Variants in PCGF3 observed in about 807,000 individuals in gnomAD.
PCGF3 encodes polycomb group ring finger 3, also known as polycomb group RING finger protein 3.
Under a neutral mutation model 33.1 loss-of-function variants are expected in PCGF3, and 7 were observed. The observed-to-expected ratio is 0.21, with a 90% CI of 0.12 to 0.40. The LOEUF is 0.40. Among genes scored for constraint, PCGF3 ranks in the 10% least tolerant of loss-of-function variants. The pLI is 1.00. For missense variants in PCGF3, 211 were observed against 313.3 expected (o/e 0.67, Z 2.46); for synonymous variants, 153 against 121.3 (o/e 1.26, Z -1.72).
chr4:733,750 C>G, exon 4 of PCGF3: 1 of 1,613,292 alleles, frequency 6.2e-7, no homozygotes, highest in Non-Finnish European at 8.5e-7. Context: ...CAGCGGGTAC[C>G]TCATCGACGC....
At chr4:732,178 T>G (rs1159436736) in intron 3 of PCGF3, among the ~76,000 whole-genome samples, 8 of 75,522 alleles carry the variant, frequency 1.1e-4, no homozygotes, top group Non-Finnish European at 1.3e-4. Flanking sequence ...GGTCCTCAGG[T>G]TGGTAAGGCG....
At chr4:761,637 G>C (rs1369005280) in intron 9 of PCGF3, 4 of 982,358 alleles carry the variant, frequency 4.1e-6, no homozygotes, top group Non-Finnish European at 4.8e-6. Context: ...ACTGTGAGTG[G>C]AAGAGAGAAC....
intron 2 of PCGF3, 145 bp downstream of exon 2, chr4:730,813 G>A (rs1328116048): frequency 2.6e-6 from 1 of 389,784 alleles, no homozygotes; most frequent in African/African-American, 2.1e-5. Flanking sequence ...AGCCATGCGT[G>A]GGTCCTTAGC....
chr4:761,945 C>T (rs981778219), intron 9 of PCGF3: 8 of 985,228 alleles, frequency 8.1e-6, no homozygotes, highest in Non-Finnish European at 9.6e-6. Flanking sequence ...CGGCTGTGGG[C>T]AGGAGCATGG....
At chr4:709,470 A>G (rs990198588) in intron 1 of PCGF3, among the ~76,000 whole-genome samples, 1 of 152,166 alleles carries the variant, frequency 6.6e-6, no homozygotes, top group African/African-American at 2.4e-5. Flanking sequence ...GAGCAAATGA[A>G]TGAAAGGCAA....
At chr4:719,817 G>A (rs1296900688) in intron 1 of PCGF3, among the ~76,000 whole-genome samples, 4 of 152,198 alleles carry the variant, frequency 2.6e-5, no homozygotes, top group Admixed American at 6.5e-5. Context: ...GTGTCCTGCC[G>A]CTGCTGCAGT....
chr4:747,879 TTC>T (rs1258003008), intron 8 of PCGF3, among the ~76,000 whole-genome samples: 40 of 82,410 alleles, frequency 4.9e-4, no homozygotes, highest in African/African-American at 1.5e-3. Context: ...TTCTTCCTTT[TTC>T]TTTTTTTTTT....
chr4:735,289 A>G (rs1365953972), intron 5 of PCGF3, among the ~76,000 whole-genome samples: 3 of 152,312 alleles, frequency 2.0e-5, no homozygotes, highest in East Asian at 3.9e-4. Context: ...GCTCATGCCT[A>G]TAATCCCAGC....
Position 733,903 on chromosome 4 carries a change from G to A in PCGF3, c.109+114G>A, listed in dbSNP as rs1743725646. 4 of 1,584,536 alleles carry A rather than the reference G, an allele frequency of 2.5e-6. No homozygotes were observed. The East Asian group carries it at 9.4e-5, about 37-fold the overall frequency. On this transcript the variant is annotated intron_variant, in intron 4 of 10. Transcript: ENST00000362003. Reference sequence around the variant, plus strand: ...TTTTAGCTCAAGCCCGACAAAAGCAGGAACCAGGACCAGGGGCAGAGACGA... The same window carrying A: ...TTTTAGCTCAAGCCCGACAAAAGCAAGAACCAGGACCAGGGGCAGAGACGA...
At chr4:732,379 T>TA (rs1468790713) in intron 3 of PCGF3, 3 of 115,464 alleles carry the variant, frequency 2.6e-5, no homozygotes, top group African/African-American at 9.8e-5. Context: ...CTCCTTCCCC[T>TA]CCCTCTCCCT....
At chr4:739,551 G>C (rs1365055886) in intron 6 of PCGF3, among the ~76,000 whole-genome samples, 1 of 152,202 alleles carries the variant, frequency 6.6e-6, no homozygotes, top group Non-Finnish European at 1.5e-5. Flanking sequence ...GCCTCCTTCT[G>C]GTTCCTGCCT....
rs888402896 is a variant in PCGF3, at chr4:758,243, G to C, written c.463-3036G>C. On this transcript the variant is annotated intron_variant, in intron 8 of 10. Coordinates refer to ENST00000362003, the Ensembl canonical transcript of PCGF3. ...CCCTCCCTGCACAAGCACCCCCACC[G>C]CGGCTCTCACCGGGCACCCCCTTTC... Among the ~76,000 whole-genome samples the C allele has an allele frequency of 1.9e-4, 24 of 128,202 alleles. 1 individual carries two copies. The highest frequency in any genetic ancestry group is 7.2e-4 in the African/African-American group (24 of 33,206). The allele number at this position is 128,202 out of a possible 152,430, so 84.1% of individuals were successfully genotyped here.
intron 8 of PCGF3, among the ~76,000 whole-genome samples, chr4:748,626 C>G (rs1483454562): frequency 6.6e-6 from 1 of 152,166 alleles, no homozygotes; most frequent in Non-Finnish European, 1.5e-5. Context: ...GCGGCCAGTT[C>G]AGAGAAGGGG....
intron 8 of PCGF3, among the ~76,000 whole-genome samples, chr4:754,452 G>A (rs1014756899): frequency 6.6e-5 from 10 of 152,320 alleles, no homozygotes; most frequent in Non-Finnish European, 5.9e-5. Context: ...GTTGGCTGGT[G>A]GGGAGCGGAG....
At chr4:714,621 A>G (rs1742724482) in intron 1 of PCGF3, among the ~76,000 whole-genome samples, 1 of 152,116 alleles carries the variant, frequency 6.6e-6, no homozygotes, top group South Asian at 2.1e-4. Context: ...CCTTCTGACC[A>G]TGCCAGGTGA....
chr4:714,440 G>T (rs1232837181), intron 1 of PCGF3, among the ~76,000 whole-genome samples: 1 of 152,226 alleles, frequency 6.6e-6, no homozygotes, highest in African/African-American at 2.4e-5. Context: ...AGAACTAGGG[G>T]AGGCCCCCAC....
chr4:707,843 GT>G (rs1742393286), intron 1 of PCGF3, among the ~76,000 whole-genome samples: 1 of 112,812 alleles, frequency 8.9e-6, no homozygotes, highest in Non-Finnish European at 2.0e-5. Flanking sequence ...TCCCCTGGGG[GT>G]CGGGACCCTG....
chr4:739,179 A>G (rs1743978702), intron 6 of PCGF3, among the ~76,000 whole-genome samples: 1 of 152,174 alleles, frequency 6.6e-6, no homozygotes, highest in Admixed American at 6.5e-5. Flanking sequence ...GTTGTCTCAT[A>G]AATGCGGTGC....
intron 1 of PCGF3, among the ~76,000 whole-genome samples, chr4:716,805 A>G (rs1454218571): frequency 1.9e-5 from 2 of 106,850 alleles, no homozygotes; most frequent in African/African-American, 3.7e-5. Context: ...GGGACCCTGT[A>G]GATACTGTGA....
Sources: gnomAD v4.1 joint callset for allele counts (sites outside exome capture counted in the v4.1 genomes callset) on GRCh38, gnomAD v4.1.1 for gene constraint, MANE v1.5 for transcripts, NCBI Gene and HGNC (gene_info 2026-07-23, HGNC 2026-07-21) for gene names.